The following LPIN2 variants were observed in gnomAD, a reference collection of about 807,000 sequenced individuals.
LPIN2 encodes lipin 2.
LPIN2 carries 55 observed loss-of-function variants against 111.4 expected under a neutral mutation model. That is an observed-to-expected ratio of 0.49 (90% CI 0.40 to 0.62). The LOEUF is 0.62. LPIN2 is among the 20% of genes least tolerant of loss of function. The pLI is 0.00. For missense variants in LPIN2, 992 were observed against 1,112.1 expected (o/e 0.89, Z 1.54); for synonymous variants, 425 against 414.0 (o/e 1.03, Z -0.32).
chr18:2,959,195 A>G (rs1324379955), intron 2 of LPIN2, among the ~76,000 whole-genome samples: 1 of 152,214 alleles, frequency 6.6e-6, no homozygotes, highest in Non-Finnish European at 1.5e-5. Context: ...CAGAGGCCAG[A>G]CCACACAAGC....
At chr18:2,954,483 G>C in intron 3 of LPIN2, 21 bp downstream of exon 3, 4 of 1,559,298 alleles carry the variant, frequency 2.6e-6, no homozygotes, top group Non-Finnish European at 3.5e-6. Context: ...TGTAAGGAGG[G>C]TGTAACCCAT....
At chr18:2,957,735 G>C (rs2077634385) in intron 2 of LPIN2, among the ~76,000 whole-genome samples, 1 of 152,206 alleles carries the variant, frequency 6.6e-6, no homozygotes, top group Non-Finnish European at 1.5e-5. Context: ...TGGAAGCAGA[G>C]AGCAGAGGTG....
At position 2,937,912 on chromosome 18, in the gene LPIN2, G is replaced by A. The variant is rs758083839; in HGVS notation, c.948C>T (p.Ser316=). Residue 316 remains serine (S), a synonymous_variant, in exon 7 of 20, where the codon TCC becomes TCT. Coordinates refer to ENST00000677752, the MANE Select transcript of LPIN2 (RefSeq NM_001375808.2). ...CTATGGTACAGACAGTGTCTTCCAT[G>A]GAAGCATCCTTCTCAACTTCACTGA... The part of the protein sequence containing the change: ...NLISEVEKDA[S]MEDTVCTIVK... 1 of 1,614,118 alleles carries A rather than the reference G, an allele frequency of 6.2e-7. No individual in the cohort carries two copies. Among genetic ancestry groups the A allele is most frequent in the Non-Finnish European group, 8.5e-7 (1 of 1,180,008 alleles).
chr18:2,925,133 C>G lies in LPIN2; in HGVS notation c.1938+91G>C. 1 of 1,508,660 alleles carries G rather than the reference C, an allele frequency of 6.6e-7. No homozygotes were observed. The highest frequency in any genetic ancestry group is 1.7e-5 in the Admixed American group (1 of 59,296). The allele number at this position is 1,508,660 out of a possible 1,614,324, so 93.5% of individuals were successfully genotyped here. A position where few individuals can be genotyped will look rare whatever the true frequency, so the allele number is the denominator to read the frequency against. ...ACCATGCCGTGTGGCGTGTATGCAG[C>G]TGGGGACGTGTGGACAGAAGAGGAT... On this transcript the variant is annotated intron_variant, in intron 14 of 19. Transcript: ENST00000677752. The surrounding 1 kb of genome is among the most constrained non-coding windows in gnomAD (Gnocchi z 4.1).
chr18:2,929,726 T>C (rs2077187205), intron 9 of LPIN2, among the ~76,000 whole-genome samples: 1 of 152,010 alleles, frequency 6.6e-6, no homozygotes, highest in African/African-American at 2.4e-5. Flanking sequence ...GCCAATACGG[T>C]GAAAACCCAT....
intron 1 of LPIN2, among the ~76,000 whole-genome samples, chr18:2,986,559 A>AG: frequency 6.6e-6 from 1 of 151,950 alleles, no homozygotes; most frequent in Admixed American, 6.6e-5. Flanking sequence ...AAAAAAAAAA[A>AG]AAAAGAAAGA....
chr18:2,920,163 G>A lies in LPIN2; in HGVS notation c.*130C>T, dbSNP rs2077031146. Reference sequence around the variant, plus strand: ...CTGGCCTGGGAAGGCAAAGGAGGATGGCGGGACCAGCTCCAGAAGCACCCG... The same window carrying A: ...CTGGCCTGGGAAGGCAAAGGAGGATAGCGGGACCAGCTCCAGAAGCACCCG... On this transcript the variant is annotated 3_prime_UTR_variant, in exon 20 of 20. Coordinates refer to ENST00000677752, the MANE Select transcript of LPIN2 (RefSeq NM_001375808.2). 1.6e-6 allele frequency: 2 copies of A among 1,270,384 alleles called. No homozygotes were observed. Among genetic ancestry groups the A allele is most frequent in the Non-Finnish European group, 1.1e-6 (1 of 888,482 alleles). The allele number at this position is 1,270,384 out of a possible 1,614,324, so 78.7% of individuals were successfully genotyped here.
At chr18:2,920,477 C>CA in intron 19 of LPIN2, 40 bp from the exon 20 acceptor site, 1 of 1,611,020 alleles carries the variant, frequency 6.2e-7, no homozygotes, top group Non-Finnish European at 8.5e-7. Flanking sequence ...GCTATTACTT[C>CA]AAGATCGGTC....
intron 18 of LPIN2, chr18:2,921,090 A>C (rs2077047157): frequency 1.6e-6 from 1 of 619,810 alleles, no homozygotes; most frequent in Non-Finnish European, 2.9e-6. Flanking sequence ...GGCAGCCACC[A>C]AGGGGAAGCC....
At chr18:3,011,121 A>G (rs763839803) in intron 1 of LPIN2, among the ~76,000 whole-genome samples, 3 of 152,206 alleles carry the variant, frequency 2.0e-5, no homozygotes, top group Non-Finnish European at 4.4e-5. Context: ...TCCAGTCCTT[A>G]AAACCAAAAG....
At chr18:2,955,649 C>G (rs1388471986) in intron 2 of LPIN2, among the ~76,000 whole-genome samples, 1 of 152,170 alleles carries the variant, frequency 6.6e-6, no homozygotes, top group South Asian at 2.1e-4. Context: ...GGTGCAGTGG[C>G]TCATGCTTGT....
chr18:3,002,236 C>CAAAAAAAAAAAAAAAA (rs765641037), intron 1 of LPIN2, among the ~76,000 whole-genome samples: 2 of 82,834 alleles, frequency 2.4e-5, no homozygotes, highest in African/African-American at 4.7e-5. Context: ...TTCAAAAGAC[C>CAAAAAAAAAAAAAAAA]AAAAAAAAAA....
intron 1 of LPIN2, among the ~76,000 whole-genome samples, chr18:3,008,880 T>G (rs1030889052): frequency 8.8e-5 from 8 of 90,916 alleles, no homozygotes; most frequent in Non-Finnish European, 1.2e-4. Flanking sequence ...CACAGCTGTG[T>G]TTTTTTTTTT....
chr18:2,984,132 C>T (rs2078152399), intron 1 of LPIN2, among the ~76,000 whole-genome samples: 2 of 152,154 alleles, frequency 1.3e-5, no homozygotes, highest in South Asian at 2.1e-4. Flanking sequence ...TCTGGTGATG[C>T]TTAATACAGT....
At chr18:2,949,029 C>CG (rs2077496567) in intron 4 of LPIN2, among the ~76,000 whole-genome samples, 1 of 152,126 alleles carries the variant, frequency 6.6e-6, no homozygotes, top group South Asian at 2.1e-4. Context: ...TCTCCAACTC[C>CG]TGACCTCAGG....
chr18:2,920,500 TGG>T, intron 19 of LPIN2, 63 bp from the exon 20 acceptor site: 1 of 1,572,592 alleles, frequency 6.4e-7, no homozygotes, highest in Non-Finnish European at 8.7e-7. Flanking sequence ...AGGCACAAGA[TGG>T]GGGGCTGTGA....
At chr18:2,977,094 GCTC>G (rs1555604715) in intron 1 of LPIN2, 1 of 151,800 alleles carries the variant, frequency 6.6e-6, no homozygotes, top group Non-Finnish European at 1.5e-5. Flanking sequence ...TGAGGTCCTA[GCTC>G]CTTAGAAGGC....
At position 2,918,270 on chromosome 18, in the gene LPIN2, A is replaced by G. The variant is rs1568497157; in HGVS notation, c.*2023T>C. 1.3e-5 allele frequency: 2 copies of G among 152,256 alleles called. No individual in the cohort carries two copies. The highest frequency in any genetic ancestry group is 2.9e-5 in the Non-Finnish European group (2 of 68,054). 9.4% of individuals were successfully genotyped at this position (152,256 alleles called of 1,614,324 possible). On this transcript the variant is annotated 3_prime_UTR_variant, in exon 20 of 20. Coordinates refer to ENST00000677752, the MANE Select transcript of LPIN2 (RefSeq NM_001375808.2). ...CATGTGTCCAAAGAGAAGAGCTGTC[A>G]AGAAAAAGAAACTAGTCAAAAACTC...
Position 2,921,541 on chromosome 18 carries a change from G to A in LPIN2, c.2434C>T (p.Arg812Cys), listed in dbSNP as rs754916357. ...GCCCAGGAGATACTCACATTTGGAC[G>A]GTTTCCAAAGGCAGCATAGAAGGGC... ...KQPFYAAFGNRPNDVYAYTQV... is the reference protein window; with the variant it reads ...KQPFYAAFGNCPNDVYAYTQV... Residue 812 changes from arginine to cysteine, a missense_variant, in exon 18 of 20, where the codon CGT (arginine) becomes TGT (cysteine). Arg to Cys is a radical substitution (Grantham distance 180, BLOSUM62 -3). Coordinates refer to ENST00000677752, the MANE Select transcript of LPIN2 (RefSeq NM_001375808.2). The A allele has an allele frequency of 8.7e-6, 14 of 1,610,996 alleles. No individual in the cohort carries two copies. The African/African-American group carries it at 9.4e-5, about 11-fold the overall frequency.
Sources: gnomAD v4.1 joint callset for allele counts (sites outside exome capture counted in the v4.1 genomes callset) on GRCh38, gnomAD v4.1.1 for gene constraint, Gnocchi (gnomAD v3.1) non-coding constraint, MANE v1.5 for transcripts, NCBI Gene and HGNC (gene_info 2026-07-23, HGNC 2026-07-21) for gene names.